DCUN1D1: variants seen among roughly 807,000 people sequenced by gnomAD.
DCUN1D1 encodes DCN1-like protein 1.
Under a neutral mutation model 39.0 loss-of-function variants are expected in DCUN1D1, and 3 were observed. That is an observed-to-expected ratio of 0.08 (90% CI 0.04 to 0.20). The LOEUF is 0.20. Among genes scored for constraint, DCUN1D1 ranks in the 10% least tolerant of loss-of-function variants. The pLI is 1.00. For synonymous variants in DCUN1D1, 82 were observed against 96.3 expected, an observed-to-expected ratio of 0.85 and a Z score of 0.87; for missense variants, 158 against 302.4, an observed-to-expected ratio of 0.52 and a Z score of 3.54.
intron 4 of DCUN1D1, among the ~76,000 whole-genome samples, chr3:182,949,801 C>T (rs903814301): frequency 5.9e-5 from 9 of 152,286 alleles, no homozygotes; most frequent in Non-Finnish European, 1.2e-4. Context: ...ACCTGCAAGA[C>T]TGACCCTTAA....
chr3:182,964,489 A>T lies in DCUN1D1; in HGVS notation c.221-440T>A, dbSNP rs1727563658. ...GAAAAACTGTGACCTAAACTATGCA[A>T]TTCAACCCTAATCTCAACAATGTAA... On this transcript the variant is annotated intron_variant, in intron 2 of 6. Transcript: ENST00000292782. Among the ~76,000 whole-genome samples, 3 of 152,200 alleles carry T rather than the reference A, an allele frequency of 2.0e-5. No homozygotes were observed. In the South Asian group the frequency reaches 6.2e-4, roughly 31 times the overall value.
intron 1 of DCUN1D1, 64 bp downstream of exon 1, chr3:182,980,423 G>C: frequency 9.8e-7 from 1 of 1,022,538 alleles, no homozygotes. Flanking sequence ...GGCGGCCGGG[G>C]CGGGGGTGCG....
At chr3:182,949,744 AAC>A (rs900919703) in intron 4 of DCUN1D1, among the ~76,000 whole-genome samples, 2 of 152,038 alleles carry the variant, frequency 1.3e-5, no homozygotes, top group African/African-American at 4.8e-5. Context: ...CAACATAAAA[AAC>A]AATACCTACT....
chr3:182,970,810 T>G (rs1195011840), intron 1 of DCUN1D1, among the ~76,000 whole-genome samples: 1 of 152,234 alleles, frequency 6.6e-6, no homozygotes, highest in Non-Finnish European at 1.5e-5. Flanking sequence ...ATACACGGTA[T>G]TCAGCAGACA....
At chr3:182,981,320 G>A (rs1256549357), upstream of DCUN1D1, among the ~76,000 whole-genome samples, 1 of 152,186 alleles carries the variant, frequency 6.6e-6, no homozygotes. Context: ...TAAGTTTCGG[G>A]AAGCAACTAC....
chr3:182,967,182 T>C (rs2108381892), intron 1 of DCUN1D1, among the ~76,000 whole-genome samples: 1 of 150,672 alleles, frequency 6.6e-6, no homozygotes, highest in East Asian at 2.0e-4. Flanking sequence ...AAGCAACACA[T>C]TTGAGAGCCC....
intron 1 of DCUN1D1, among the ~76,000 whole-genome samples, chr3:182,973,803 G>C (rs1191317801): frequency 2.7e-5 from 4 of 145,494 alleles, no homozygotes; most frequent in Non-Finnish European, 4.5e-5. Flanking sequence ...GCGAAACTCC[G>C]GCTCAAAAAA....
intron 2 of DCUN1D1, among the ~76,000 whole-genome samples, chr3:182,965,305 A>G (rs1362919910): frequency 6.6e-6 from 1 of 152,196 alleles, no homozygotes; most frequent in Non-Finnish European, 1.5e-5. Context: ...ACAGTTCCCC[A>G]TCCCCATTCT....
rs1726075010 is a variant in DCUN1D1, at chr3:182,940,218, C to T, written c.*4876G>A. On this transcript the variant is annotated 3_prime_UTR_variant, in exon 7 of 7. Transcript: ENST00000292782. The stretch of plus-strand genomic sequence containing the variant: ...CGTATTGGGTATTGCCCAAGTTTTC[C>T]ATCAGATATAAGGTTTTCTCAGAAT... The T allele has an allele frequency of 6.6e-6, 1 of 152,050 alleles. No individual in the cohort carries two copies. The highest frequency in any genetic ancestry group is 2.4e-5 in the African/African-American group (1 of 41,396). The allele number at this position is 152,050 out of a possible 1,614,324, so 9.4% of individuals were successfully genotyped here. A position where few individuals can be genotyped will look rare whatever the true frequency, so the allele number is the denominator to read the frequency against.
intron 1 of DCUN1D1, among the ~76,000 whole-genome samples, chr3:182,974,486 AAC>A (rs1728109935): frequency 1.3e-5 from 2 of 150,082 alleles, no homozygotes; most frequent in South Asian, 4.2e-4. Context: ...AAAAAAAACC[AAC>A]ACACAAAAAA....
intron 4 of DCUN1D1, chr3:182,955,456 TATGAG>T (rs913587960): frequency 2.4e-5 from 13 of 540,656 alleles, no homozygotes; most frequent in Admixed American, 9.8e-5. Context: ...GTCTACACGT[TATGAG>T]ATAAGAATCC....
chr3:182,960,509 A>C (rs938343748), intron 4 of DCUN1D1, among the ~76,000 whole-genome samples: 6 of 152,098 alleles, frequency 3.9e-5, no homozygotes, highest in Non-Finnish European at 7.4e-5. Flanking sequence ...CCAAATACCA[A>C]ATCCTTTAGT....
chr3:182,984,101 TGAAAA>T (rs929207300), upstream of DCUN1D1, among the ~76,000 whole-genome samples: 14 of 152,272 alleles, frequency 9.2e-5, no homozygotes, highest in African/African-American at 3.1e-4. Flanking sequence ...GATAAATTAA[TGAAAA>T]GAAAGAGATA....
At chr3:182,974,241 G>A (rs895534735) in intron 1 of DCUN1D1, among the ~76,000 whole-genome samples, 2 of 152,094 alleles carry the variant, frequency 1.3e-5, no homozygotes, top group Non-Finnish European at 2.9e-5. Flanking sequence ...AACACAGAGT[G>A]AGACCCTGTC....
intron 1 of DCUN1D1, among the ~76,000 whole-genome samples, chr3:182,975,851 T>TA (rs533263687): frequency 0.36 from 23,659 of 66,598 alleles, 5,204 homozygotes; most frequent in East Asian, 0.69. Context: ...CCAGATATGC[T>TA]AAAAAAAAAA....
At chr3:182,945,598 A>T (rs1011453178) in intron 6 of DCUN1D1, among the ~76,000 whole-genome samples, 8 of 126,324 alleles carry the variant, frequency 6.3e-5, no homozygotes, top group African/African-American at 4.6e-4. Flanking sequence ...CTCCCTCTCA[A>T]AACAAACAAA....
intron 1 of DCUN1D1, among the ~76,000 whole-genome samples, chr3:182,976,522 G>C (rs1728250285): frequency 6.7e-6 from 1 of 150,340 alleles, no homozygotes; most frequent in South Asian, 2.1e-4. Context: ...TGTTCCTCAA[G>C]ATTTCTACAT....
intron 1 of DCUN1D1, among the ~76,000 whole-genome samples, chr3:182,977,953 T>C (rs1421139986): frequency 1.3e-5 from 2 of 150,392 alleles, no homozygotes; most frequent in Non-Finnish European, 3.0e-5. Flanking sequence ...GGCTGGAGAA[T>C]CGCTTGAACC....
chr3:182,943,672 T>C lies in DCUN1D1; in HGVS notation c.*1422A>G, dbSNP rs1726249964. The C allele has an allele frequency of 6.6e-6, 1 of 152,446 alleles. No individual in the cohort carries two copies. The highest frequency in any genetic ancestry group is 2.1e-4 in the South Asian group (1 of 4,830). 9.4% of individuals were successfully genotyped at this position (152,446 alleles called of 1,614,324 possible). A position where few individuals can be genotyped will look rare whatever the true frequency, so the allele number is the denominator to read the frequency against. On this transcript the variant is annotated 3_prime_UTR_variant, in exon 7 of 7. Transcript: ENST00000292782. ...TCAAAAGACCATAATCATCAAACAT[T>C]TGAAGTATTACATTTCTAGCCTGCC...
Sources: allele counts gnomAD v4.1 joint callset (sites outside exome capture counted in the v4.1 genomes callset), GRCh38; gene constraint gnomAD v4.1.1; transcripts MANE v1.5; gene names NCBI Gene and HGNC (gene_info 2026-07-23, HGNC 2026-07-21).